The following ZNF609 variants were observed in gnomAD, a reference collection of about 807,000 sequenced individuals.
ZNF609 encodes zinc finger protein 609.
Under a neutral mutation model 109.5 loss-of-function variants are expected in ZNF609, and 11 were observed. The observed-to-expected ratio is 0.10, with a 90% CI of 0.06 to 0.17. ZNF609 has a LOEUF of 0.17. ZNF609 is among the 10% of genes least tolerant of loss of function. The pLI is 1.00. For missense variants in ZNF609, 1,559 were observed against 1,772.4 expected (o/e 0.88, Z 2.16); for synonymous variants, 646 against 662.0 (o/e 0.98, Z 0.37).
At chr15:64,518,005 C>A (rs1187202073) in intron 2 of ZNF609, among the ~76,000 whole-genome samples, 2 of 152,094 alleles carry the variant, frequency 1.3e-5, no homozygotes, top group African/African-American at 2.4e-5. Context: ...CCACGTTGAA[C>A]CCCTGGGCTC....
chr15:64,467,090 A>G (rs987838949), intron 1 of ZNF609, among the ~76,000 whole-genome samples: 2 of 152,226 alleles, frequency 1.3e-5, no homozygotes, highest in African/African-American at 4.8e-5. Flanking sequence ...CTTGGATCAG[A>G]GTCCCAGAAA....
At chr15:64,496,539 C>A (rs1220033144) in intron 1 of ZNF609, among the ~76,000 whole-genome samples, 1 of 152,190 alleles carries the variant, frequency 6.6e-6, no homozygotes, top group Non-Finnish European at 1.5e-5. Context: ...CATCTCCTTT[C>A]CTAGAGATGC....
At chr15:64,497,462 G>C (rs73452265) in intron 1 of ZNF609, among the ~76,000 whole-genome samples, 9,616 of 152,102 alleles carry the variant, frequency 0.063, 1,026 homozygotes, top group African/African-American at 0.22. Flanking sequence ...CTTTGACATT[G>C]CTCTGAGGGA....
chr15:64,530,999 A>G (rs778132009), intron 2 of ZNF609, among the ~76,000 whole-genome samples: 3 of 152,136 alleles, frequency 2.0e-5, no homozygotes, highest in Admixed American at 1.3e-4. Context: ...ACTTTTTCCT[A>G]TTTGCCTCAG....
chr15:64,598,118 C>T (rs1895428418), intron 2 of ZNF609, among the ~76,000 whole-genome samples: 1 of 152,098 alleles, frequency 6.6e-6, no homozygotes, highest in South Asian at 2.1e-4. Context: ...CTAATTCTAT[C>T]TGCTTTGTTT....
In ZNF609 at chr15:64,650,133, G is replaced by T. The variant is rs574052075; in HGVS notation, c.974-20213G>T. Among the ~76,000 whole-genome samples, 37 of 149,434 alleles carry T rather than the reference G, an allele frequency of 2.5e-4. No individual in the cohort carries two copies. The South Asian group carries it at 7.0e-3, about 28-fold the overall frequency. ...CATCTCAAAAAAAAAAAAAAAAAGT[G>T]TAGCCCATGCCTGTAATCCTAGCAC... On this transcript the variant is annotated intron_variant, in intron 3 of 9. Transcript: ENST00000326648.
chr15:64,601,060 C>T (rs1455357716), intron 2 of ZNF609, among the ~76,000 whole-genome samples: 1 of 152,162 alleles, frequency 6.6e-6, no homozygotes, highest in Non-Finnish European at 1.5e-5. Context: ...ATGCCTCTTC[C>T]TTACCCAACA....
chr15:64,618,213 C>A (rs947833108), intron 2 of ZNF609, among the ~76,000 whole-genome samples: 2 of 152,056 alleles, frequency 1.3e-5, no homozygotes, highest in Admixed American at 1.3e-4. Context: ...GCAGCCTTCA[C>A]CCCCGGGACA....
At chr15:64,595,015 A>G (rs1895367437) in intron 2 of ZNF609, among the ~76,000 whole-genome samples, 1 of 148,778 alleles carries the variant, frequency 6.7e-6, no homozygotes, top group South Asian at 2.1e-4. Flanking sequence ...AAAAAAAAAA[A>G]AGAAAAAAGA....
intron 5 of ZNF609, among the ~76,000 whole-genome samples, chr15:64,676,714 A>G (rs866323353): frequency 1.1e-4 from 17 of 151,872 alleles, no homozygotes; most frequent in African/African-American, 4.1e-4. Flanking sequence ...GATTACAGGC[A>G]TGAGCCACTG....
At chr15:64,461,905 G>A (rs780449887) in intron 1 of ZNF609, among the ~76,000 whole-genome samples, 2 of 152,168 alleles carry the variant, frequency 1.3e-5, no homozygotes, top group African/African-American at 2.4e-5. Flanking sequence ...TCTTGGGGGA[G>A]GGAGTGCTGG....
intron 2 of ZNF609, among the ~76,000 whole-genome samples, chr15:64,598,390 A>G (rs1168346590): frequency 3.3e-5 from 5 of 152,218 alleles, no homozygotes; most frequent in Admixed American, 2.0e-4. Context: ...TGCTGGGACT[A>G]CAGGCATGAG....
chr15:64,608,086 A>G (rs1270096229), intron 2 of ZNF609, among the ~76,000 whole-genome samples: 2 of 150,018 alleles, frequency 1.3e-5, no homozygotes, highest in Non-Finnish European at 3.0e-5. Context: ...TTTAGAAGAG[A>G]TGGGTTCACC....
Position 64,499,868 on chromosome 15 carries a change from C to T in ZNF609, c.449C>T (p.Ser150Phe), listed in dbSNP as rs1304649452. 1 of 1,614,014 alleles carries T rather than the reference C, an allele frequency of 6.2e-7. No homozygotes were observed. Among genetic ancestry groups the T allele is most frequent in the Admixed American group, 1.7e-5 (1 of 59,988 alleles). The change falls in exon 2 of 10, where the codon TCC (serine) becomes TTC (phenylalanine). Residue 150 changes from serine to phenylalanine, a missense_variant. Ser to Phe is a radical substitution (Grantham distance 155). Coordinates refer to ENST00000326648, the MANE Select transcript of ZNF609 (RefSeq NM_015042.2). The part of the protein sequence containing the change: ...PKGSEKAAKA[S>F]RSVAGSKKEK... ...GGCTCAGAGAAGGCGGCTAAGGCAT[C>T]CCGCAGTGTAGCCGGTTCCAAAAAG...
At chr15:64,664,780 G>A (rs1177945686) in intron 3 of ZNF609, among the ~76,000 whole-genome samples, 2 of 152,064 alleles carry the variant, frequency 1.3e-5, no homozygotes, top group Non-Finnish European at 2.9e-5. Flanking sequence ...CCAGCACCTT[G>A]TTTGACCTGT....
intron 2 of ZNF609, among the ~76,000 whole-genome samples, chr15:64,579,170 T>C (rs1458285871): frequency 6.6e-6 from 1 of 152,254 alleles, no homozygotes; most frequent in Admixed American, 6.5e-5. Context: ...AATAGATATG[T>C]TCTATTGTGT....
At chr15:64,641,838 T>G (rs1406292957) in intron 3 of ZNF609, among the ~76,000 whole-genome samples, 1 of 152,182 alleles carries the variant, frequency 6.6e-6, no homozygotes, top group Non-Finnish European at 1.5e-5. Flanking sequence ...TCTGAGATAT[T>G]TATACTTAGA....
At chr15:64,540,546 A>G (rs1255410897) in intron 2 of ZNF609, among the ~76,000 whole-genome samples, 2 of 151,826 alleles carry the variant, frequency 1.3e-5, no homozygotes, top group African/African-American at 4.8e-5. Context: ...CTGGGACTAC[A>G]GGTGCGTGCC....
chr15:64,637,430 G>T (rs1896192448), intron 3 of ZNF609, among the ~76,000 whole-genome samples: 1 of 152,160 alleles, frequency 6.6e-6, no homozygotes, highest in Non-Finnish European at 1.5e-5. Flanking sequence ...GAATCATAAG[G>T]TATGTGTATG....
Sources: allele counts gnomAD v4.1 joint callset (sites outside exome capture counted in the v4.1 genomes callset), GRCh38; gene constraint gnomAD v4.1.1; transcripts MANE v1.5; gene names NCBI Gene and HGNC (gene_info 2026-07-23, HGNC 2026-07-21).